Variants in PRELID2 observed in about 807,000 individuals in gnomAD.
The protein encoded by PRELID2 is PRELI domain-containing protein 2.
A neutral mutation model predicts 28.4 loss-of-function variants in PRELID2; 25 were observed. The observed-to-expected ratio is 0.88, with a 90% CI of 0.64 to 1.23. The LOEUF is 1.23. PRELID2 is among the 50% of genes most tolerant of loss of function. The probability of loss-of-function intolerance (pLI) is 0.00; values close to 1 mark genes in which losing one functional copy is unlikely to be tolerated. For missense variants in PRELID2, 201 were observed against 214.4 expected, an observed-to-expected ratio of 0.94 and a Z score of 0.39; for synonymous variants, 76 against 71.6, an observed-to-expected ratio of 1.06 and a Z score of -0.31.
chr5:145,493,915 G>C (rs1373554488), intron 1 of PRELID2, among the ~76,000 whole-genome samples: 1 of 152,102 alleles, frequency 6.6e-6, no homozygotes, highest in Non-Finnish European at 1.5e-5. Flanking sequence ...TAAACTATAT[G>C]TCAGATGCTT....
At chr5:145,672,628 G>A (rs1754731576) in intron 1 of PRELID2, among the ~76,000 whole-genome samples, 1 of 151,990 alleles carries the variant, frequency 6.6e-6, no homozygotes, top group African/African-American at 2.4e-5. Flanking sequence ...TGCTAAGAAG[G>A]AGACAGCCTT....
intron 1 of PRELID2, among the ~76,000 whole-genome samples, chr5:145,511,596 G>A (rs1191160385): frequency 6.6e-6 from 1 of 152,168 alleles, no homozygotes; most frequent in Non-Finnish European, 1.5e-5. Context: ...GTTCAAAAAT[G>A]TCCAGCCAGC....
intron 5 of PRELID2, among the ~76,000 whole-genome samples, chr5:145,787,751 T>A (rs1048361499): frequency 6.6e-6 from 1 of 152,064 alleles, no homozygotes; most frequent in Non-Finnish European, 1.5e-5. Context: ...ATGTTGCCTA[T>A]GCTGGTCTCA....
At chr5:145,740,949 TA>T (rs1756694814) in intron 1 of PRELID2, among the ~76,000 whole-genome samples, 1 of 40,328 alleles carries the variant, frequency 2.5e-5, no homozygotes, top group Non-Finnish European at 6.6e-5. Flanking sequence ...TACATATATT[TA>T]TCTATAAATA....
intron 1 of PRELID2, among the ~76,000 whole-genome samples, chr5:145,720,459 A>T (rs1162713441): frequency 6.6e-6 from 1 of 152,008 alleles, no homozygotes; most frequent in Non-Finnish European, 1.5e-5. Flanking sequence ...ATTTGCAAGA[A>T]ATTCAAGAGG....
chr5:145,625,952 T>C (rs911032397), intron 1 of PRELID2, among the ~76,000 whole-genome samples: 2 of 152,122 alleles, frequency 1.3e-5, no homozygotes, highest in African/African-American at 2.4e-5. Context: ...ATTCAATAAA[T>C]GGTACTTGGA....
chr5:145,417,376 A>G, the PRELID2 span, among the ~76,000 whole-genome samples: 1 of 152,082 alleles, frequency 6.6e-6, no homozygotes, highest in Admixed American at 6.6e-5. Context: ...GAAAAGAAGG[A>G]ACTCCTCTGT....
chr5:145,381,367 C>G, the PRELID2 span, among the ~76,000 whole-genome samples: 2 of 151,944 alleles, frequency 1.3e-5, no homozygotes, highest in African/African-American at 4.8e-5. Context: ...GTGGGGAGCC[C>G]CAAAAATCTA....
intron 1 of PRELID2, among the ~76,000 whole-genome samples, chr5:145,664,548 T>C (rs1292652847): frequency 6.6e-6 from 1 of 152,154 alleles, no homozygotes; most frequent in Non-Finnish European, 1.5e-5. Flanking sequence ...CTCTGCTATC[T>C]GTGGGGTGGG....
At chr5:145,533,522 G>A (rs549106425) in intron 1 of PRELID2, among the ~76,000 whole-genome samples, 1 of 151,986 alleles carries the variant, frequency 6.6e-6, no homozygotes, top group African/African-American at 2.4e-5. Context: ...GGTATTACAT[G>A]CTTTGCTCAA....
intron 1 of PRELID2, among the ~76,000 whole-genome samples, chr5:145,590,468 G>A (rs746928813): frequency 1.6e-4 from 25 of 151,994 alleles, no homozygotes; most frequent in Admixed American, 5.9e-4. Flanking sequence ...TCAACAAGAG[G>A]AACCTTGGGA....
the PRELID2 span, among the ~76,000 whole-genome samples, chr5:145,389,762 T>A: frequency 6.6e-6 from 1 of 152,166 alleles, no homozygotes; most frequent in South Asian, 2.1e-4. Context: ...TCTCTGAAAT[T>A]TAAATTCTCA....
rs1293670295 is a variant in PRELID2, at chr5:145,475,195, A to G, written n.71-1880T>C. On this transcript the variant is annotated intron_variant and non_coding_transcript_variant, in intron 1 of 2. Transcript: ENST00000510259. ...ACTTGTTGAATGAATGAAGGAATGA[A>G]TGAATGAACTTAATAAAAGTAAGTT... Among the ~76,000 whole-genome samples, 4 of 152,330 alleles carry G rather than the reference A, an allele frequency of 2.6e-5. No homozygotes were observed. In the East Asian group the frequency reaches 7.7e-4, roughly 29 times the overall value.
chr5:145,714,919 G>A (rs1056410490), intron 1 of PRELID2, among the ~76,000 whole-genome samples: 1 of 151,874 alleles, frequency 6.6e-6, no homozygotes, highest in Non-Finnish European at 1.5e-5. Context: ...AGCTAATCCT[G>A]GGCCTCTTTC....
intron 1 of PRELID2, among the ~76,000 whole-genome samples, chr5:145,618,293 C>T (rs940721350): frequency 1.3e-5 from 2 of 152,158 alleles, no homozygotes; most frequent in African/African-American, 2.4e-5. Context: ...TTTCTGGTTC[C>T]TTCTCATTCG....
At chr5:145,788,349 A>G (rs1752136657) in intron 5 of PRELID2, among the ~76,000 whole-genome samples, 1 of 152,184 alleles carries the variant, frequency 6.6e-6, no homozygotes, top group Non-Finnish European at 1.5e-5. Context: ...TGTTTTTGGC[A>G]CTTCCAACAT....
At chr5:145,730,701 C>A (rs1756314112) in intron 1 of PRELID2, among the ~76,000 whole-genome samples, 1 of 152,074 alleles carries the variant, frequency 6.6e-6, no homozygotes, top group African/African-American at 2.4e-5. Flanking sequence ...AAAAAAAAAA[C>A]TGCCTAAATC....
chr5:145,279,519 A>G, the PRELID2 span, among the ~76,000 whole-genome samples: 1 of 152,164 alleles, frequency 6.6e-6, no homozygotes, highest in Non-Finnish European at 1.5e-5. Context: ...TGGTAATGTT[A>G]AGGCCAGGTT....
intron 1 of PRELID2, among the ~76,000 whole-genome samples, chr5:145,546,216 T>C (rs568415457): frequency 9.3e-4 from 132 of 142,598 alleles, no homozygotes; most frequent in African/African-American, 3.6e-3. Context: ...GCGAATAACA[T>C]AGGAGCAAGA....
Sources: allele counts gnomAD v4.1 joint callset (sites outside exome capture counted in the v4.1 genomes callset), GRCh38; gene constraint gnomAD v4.1.1; transcripts MANE v1.5; gene names NCBI Gene and HGNC (gene_info 2026-07-23, HGNC 2026-07-21).